The following EIF2B5 variants were observed in gnomAD, a reference collection of about 807,000 sequenced individuals.
The protein encoded by EIF2B5 is eukaryotic translation initiation factor 2B subunit epsilon, also known as translation initiation factor eIF2B subunit epsilon.
In EIF2B5, 38 loss-of-function variants were observed where a neutral mutation model predicts 87.3. The observed-to-expected ratio is 0.44, with a 90% CI of 0.34 to 0.57. The LOEUF is 0.57. Ranked by LOEUF, EIF2B5 falls within the 20% of genes least tolerant of loss-of-function variation. The pLI is 0.02. For missense variants in EIF2B5, 784 were observed against 909.5 expected, an observed-to-expected ratio of 0.86 and a Z score of 1.78; for synonymous variants, 313 against 339.6, an observed-to-expected ratio of 0.92 and a Z score of 0.86.
rs1199234160 is a variant in EIF2B5 at position 184,137,785 on chromosome 3, C to T, written c.486C>T (p.Thr162=). Residue 162 remains threonine, a synonymous_variant, in exon 3 of 16, where the codon ACC becomes ACT. Coordinates refer to ENST00000648915, the MANE Select transcript of EIF2B5 (RefSeq NM_003907.3). ...YGDVISNINI[T]RALEEHRLRR... is the part of the protein sequence containing the mutation. Reference sequence around the variant, plus strand: ...ATGTCATCTCAAACATCAATATCACCAGAGCCCTTGAGGAACACAGGTCAG... The same window carrying T: ...ATGTCATCTCAAACATCAATATCACTAGAGCCCTTGAGGAACACAGGTCAG... 3.7e-6 allele frequency: 6 copies of T among 1,614,038 alleles called. No individual in the cohort carries two copies. In the African/African-American group the frequency reaches 5.3e-5, roughly 14 times the overall value.
chr3:184,137,267 A>G (rs1233280936), intron 2 of EIF2B5: 1 of 398,838 alleles, frequency 2.5e-6, no homozygotes, highest in Non-Finnish European at 4.7e-6. Context: ...GACAGTTCCT[A>G]AATGTTATAT....
intron 5 of EIF2B5, among the ~76,000 whole-genome samples, 168 bp from the exon 6 acceptor site, chr3:184,139,912 A>G (rs1455169854): frequency 6.6e-6 from 1 of 151,974 alleles, no homozygotes; most frequent in Non-Finnish European, 1.5e-5. Context: ...AATCCCAGCT[A>G]CTTGGGAGGC....
chr3:184,137,546 G>A (rs1713415641), intron 2 of EIF2B5, 74 bp from the exon 3 acceptor site: 12 of 1,483,368 alleles, frequency 8.1e-6, no homozygotes, highest in South Asian at 5.7e-5. Flanking sequence ...TGCTGAAAGG[G>A]GGTGAAAAAT....
At chr3:184,140,930 G>A in intron 7 of EIF2B5, 200 bp downstream of exon 7, 1 of 634,848 alleles carries the variant, frequency 1.6e-6, no homozygotes, top group Non-Finnish European at 2.7e-6. Context: ...CCTCTCATTG[G>A]ATGACTCTTC....
At position 184,143,162 on chromosome 3, in the gene EIF2B5, G is replaced by A. The variant is rs1713717678; in HGVS notation, c.1745+20G>A. On this transcript the variant is annotated intron_variant, in intron 12 of 15. Coordinates refer to ENST00000648915, the MANE Select transcript of EIF2B5 (RefSeq NM_003907.3). ...TCTCAAGTAAGAGCAGCCCCTCCCT[G>A]TTCTCCTCGGGGTGATCCCGGGAAG... The A allele has an allele frequency of 4.3e-6, 7 of 1,609,864 alleles. No individual in the cohort carries two copies. The highest frequency in any genetic ancestry group is 4.5e-5 in the East Asian group (2 of 44,876).
At chr3:184,135,735 T>G in intron 1 of EIF2B5, 155 bp downstream of exon 1, 1 of 1,048,776 alleles carries the variant, frequency 9.5e-7, no homozygotes. Flanking sequence ...TAAACCCTGA[T>G]GACTGCTGAC....
In EIF2B5 at chr3:184,144,875, T is replaced by G. The variant is rs752732564; in HGVS notation, c.2107-9T>G. ...TCCCCCAGCCGATCTCTCCTCTGCT[T>G]CTTTACAGCTGCAGAGGTTCATCCA... On this transcript the variant is annotated splice_polypyrimidine_tract_variant and intron_variant, in intron 15 of 15. Transcript: ENST00000648915. 5.0e-6 allele frequency: 8 copies of G among 1,613,358 alleles called. No individual in the cohort carries two copies. Among genetic ancestry groups the G allele is most frequent in the East Asian group, 2.2e-5 (1 of 44,890 alleles).
At chr3:184,143,693 G>T in intron 13 of EIF2B5, 128 bp downstream of exon 13, 1 of 1,440,998 alleles carries the variant, frequency 6.9e-7, no homozygotes, top group Non-Finnish European at 9.5e-7. Flanking sequence ...AAGCTGGTTG[G>T]GCTCTAGAGC....
intron 1 of EIF2B5, chr3:184,135,894 C>T: frequency 2.2e-6 from 1 of 446,250 alleles, no homozygotes; most frequent in South Asian, 2.9e-5. Flanking sequence ...CCGCTTTTAA[C>T]CTTGCCGATG....
At chr3:184,140,261 A>G in intron 6 of EIF2B5, 104 bp downstream of exon 6, 7 of 1,424,050 alleles carry the variant, frequency 4.9e-6, no homozygotes, top group Non-Finnish European at 6.9e-6. Flanking sequence ...GAGGCTTAGG[A>G]GGGAGGAAAA....
chr3:184,135,886 G>T (rs1369635801), intron 1 of EIF2B5: 3 of 459,530 alleles, frequency 6.5e-6, no homozygotes, highest in Non-Finnish European at 1.2e-5. Flanking sequence ...AGGCTGCGCC[G>T]CTTTTAACCT....
intron 7 of EIF2B5, 40 bp downstream of exon 7, chr3:184,140,770 C>A (rs1427896993): frequency 6.2e-7 from 1 of 1,610,746 alleles, no homozygotes; most frequent in East Asian, 2.2e-5. Flanking sequence ...ATCCTAGGAA[C>A]AGGAACCTGG....
intron 6 of EIF2B5, 53 bp downstream of exon 6, chr3:184,140,210 T>C (rs1295372841): frequency 6.4e-7 from 1 of 1,554,272 alleles, no homozygotes; most frequent in Non-Finnish European, 8.9e-7. Flanking sequence ...GCTATGATTG[T>C]ATCTCATGCT....
At chr3:184,140,204 T>C in intron 6 of EIF2B5, 47 bp downstream of exon 6, 1 of 1,563,270 alleles carries the variant, frequency 6.4e-7, no homozygotes, top group South Asian at 1.1e-5. Context: ...GAGAAGGCTA[T>C]GATTGTATCT....
intron 7 of EIF2B5, 112 bp downstream of exon 7, chr3:184,140,842 G>T: frequency 8.0e-7 from 1 of 1,256,802 alleles, no homozygotes; most frequent in Non-Finnish European, 1.1e-6. Context: ...TGGGAATAAG[G>T]AACTATAGAG....
intron 1 of EIF2B5, chr3:184,135,845 C>T (rs1277139818): frequency 1.8e-6 from 1 of 563,566 alleles, no homozygotes; most frequent in Non-Finnish European, 3.1e-6. Flanking sequence ...TTGAGAGAAG[C>T]CTTCACGCGG....
In EIF2B5 at chr3:184,142,344, G is replaced by A. The variant is rs1445670694; in HGVS notation, c.1410G>A (p.Gly470=). ...EDDGEFSDDS[G]ADQEKDKVKM... ...ATGGCGAGTTCAGTGATGATTCTGG[G>A]GCTGACCAAGAAAAGGACAAAGTGA... Residue 470 remains glycine (G), a synonymous_variant, in exon 9 of 16, where the codon GGG becomes GGA. Transcript: ENST00000648915. The surrounding 1 kb of genome is among the most constrained non-coding windows in gnomAD (Gnocchi z 5.0). 1.9e-6 allele frequency: 3 copies of A among 1,614,096 alleles called. No individual in the cohort carries two copies.
In EIF2B5 at chr3:184,144,888, A is replaced by C; in HGVS notation, c.2111A>C (p.Gln704Pro). 1.2e-6 allele frequency: 2 copies of C among 1,613,726 alleles called. No homozygotes were observed. Among genetic ancestry groups the C allele is most frequent in the Non-Finnish European group, 1.7e-6 (2 of 1,179,994 alleles). ...CTCTCCTCTGCTTCTTTACAGCTGC[A>C]GAGGTTCATCCAGTGGCTAAAAGAG... ...GQQLRKNQQL[Q>P]RFIQWLKEAE... Residue 704 changes from glutamine to proline, a missense_variant, in exon 16 of 16, where the codon CAG (glutamine) becomes CCG (proline). Transcript: ENST00000648915.
rs1713573594 is a variant in EIF2B5, at chr3:184,140,406, C to T, written c.844-12C>T. 6.2e-7 allele frequency: 1 copy of T among 1,613,932 alleles called. No homozygotes were observed. Among genetic ancestry groups the T allele is most frequent in the African/African-American group, 1.3e-5 (1 of 74,878 alleles). Reference sequence around the variant, plus strand: ...TTCTTGCTTAGGTGACCTCCCTTTCCTTCTCATTCAGATCCTAGGGAACCA... The same window carrying T: ...TTCTTGCTTAGGTGACCTCCCTTTCTTTCTCATTCAGATCCTAGGGAACCA... On this transcript the variant is annotated splice_polypyrimidine_tract_variant and intron_variant, in intron 6 of 15. Coordinates refer to ENST00000648915, the MANE Select transcript of EIF2B5 (RefSeq NM_003907.3).
Sources: gnomAD v4.1 joint callset for allele counts (sites outside exome capture counted in the v4.1 genomes callset) on GRCh38, gnomAD v4.1.1 for gene constraint, Gnocchi (gnomAD v3.1) non-coding constraint, MANE v1.5 for transcripts, NCBI Gene and HGNC (gene_info 2026-07-23, HGNC 2026-07-21) for gene names.